Variants in RAD51B observed in about 807,000 individuals in gnomAD.
RAD51B encodes the protein RAD51 paralog B.
In RAD51B, 38 loss-of-function variants were observed where a neutral mutation model predicts 42.2. The ratio of observed to expected loss-of-function variants is 0.90; its 90% confidence interval spans 0.70 to 1.18. The LOEUF is 1.18. Ranked by LOEUF, RAD51B falls within the 50% of genes most tolerant of loss-of-function variation. The pLI, the probability that RAD51B is intolerant of heterozygous loss-of-function variation, is 0.00. For synonymous variants in RAD51B, 154 were observed against 145.2 expected, an observed-to-expected ratio of 1.06 and a Z score of -0.43; for missense variants, 373 against 400.7, an observed-to-expected ratio of 0.93 and a Z score of 0.59.
intron 8 of RAD51B, among the ~76,000 whole-genome samples, chr14:68,362,420 A>G (rs1420974921): frequency 1.3e-5 from 2 of 152,260 alleles, no homozygotes; most frequent in East Asian, 3.8e-4. Flanking sequence ...TGTAAGTGTT[A>G]GCCCCATTTT....
chr14:67,887,860 C>T (rs1042769036), intron 7 of RAD51B, among the ~76,000 whole-genome samples: 11 of 152,116 alleles, frequency 7.2e-5, no homozygotes, highest in African/African-American at 2.2e-4. Context: ...ACCTGCAAGA[C>T]GTAAGTGTGT....
intron 8 of RAD51B, chr14:68,338,903 G>C (rs770388151): frequency 1.5e-6 from 1 of 650,866 alleles, no homozygotes; most frequent in Non-Finnish European, 2.9e-6. Flanking sequence ...TGTCTTCCGA[G>C]TTAACCTTTG....
chr14:68,265,689 T>G (rs967104807), intron 7 of RAD51B, among the ~76,000 whole-genome samples: 16 of 152,026 alleles, frequency 1.1e-4, no homozygotes, highest in Admixed American at 6.5e-4. Context: ...GAGGCGGAGG[T>G]TGCAATGAGC....
intron 7 of RAD51B, among the ~76,000 whole-genome samples, chr14:68,015,290 C>T (rs1332869840): frequency 6.6e-6 from 1 of 152,024 alleles, no homozygotes; most frequent in African/African-American, 2.4e-5. Context: ...TATTTAACAC[C>T]TACTATGATG....
At chr14:68,631,208 C>T (rs773408000) in intron 10 of RAD51B, among the ~76,000 whole-genome samples, 5 of 152,146 alleles carry the variant, frequency 3.3e-5, no homozygotes, top group Middle Eastern at 3.2e-3. Flanking sequence ...GTCTAAAAGG[C>T]GGGTGTAGTT....
chr14:68,004,154 C>A (rs1469643829), intron 7 of RAD51B, among the ~76,000 whole-genome samples: 4 of 151,844 alleles, frequency 2.6e-5, no homozygotes, highest in Non-Finnish European at 5.9e-5. Context: ...CACGGTGAAA[C>A]CCTGTCTCTA....
At chr14:68,005,031 C>CTGTG (rs1387632190) in intron 7 of RAD51B, among the ~76,000 whole-genome samples, 9,458 of 115,324 alleles carry the variant, frequency 0.082, 484 homozygotes, top group Middle Eastern at 0.15. Flanking sequence ...TACCATTCTA[C>CTGTG]TGTGTGTGTG....
intron 7 of RAD51B, among the ~76,000 whole-genome samples, chr14:67,961,410 G>A (rs1300827310): frequency 6.6e-6 from 1 of 152,202 alleles, no homozygotes; most frequent in African/African-American, 2.4e-5. Flanking sequence ...GAAAGTAGGA[G>A]AGGTTTTCAT....
intron 11 of RAD51B, among the ~76,000 whole-genome samples, chr14:68,671,571 G>A (rs8020743): frequency 6.2e-4 from 94 of 151,764 alleles, no homozygotes; most frequent in African/African-American, 2.0e-3. Flanking sequence ...CCAACACCCC[G>A]CCTCCGACAA....
At chr14:68,166,371 T>C (rs2078752649) in intron 7 of RAD51B, among the ~76,000 whole-genome samples, 1 of 152,094 alleles carries the variant, frequency 6.6e-6, no homozygotes, top group Admixed American at 6.6e-5. Context: ...TGGAGTAAAT[T>C]TTTTTCATTA....
exon 11 of RAD51B, chr14:68,611,300 CA>C: frequency 1.4e-6 from 1 of 699,038 alleles, no homozygotes; most frequent in Non-Finnish European, 2.6e-6. Context: ...CATCCGACAG[CA>C]ACTATAATTC....
intron 7 of RAD51B, among the ~76,000 whole-genome samples, chr14:67,918,544 A>G (rs1346648071): frequency 2.0e-5 from 3 of 152,184 alleles, no homozygotes; most frequent in Non-Finnish European, 4.4e-5. Flanking sequence ...TAAGGGAAAT[A>G]ATTATCAGTG....
intron 7 of RAD51B, among the ~76,000 whole-genome samples, chr14:67,888,870 A>G (rs2043138708): frequency 6.6e-6 from 1 of 152,176 alleles, no homozygotes; most frequent in African/African-American, 2.4e-5. Flanking sequence ...TCCCCCATGG[A>G]TACAGGGGGA....
intron 7 of RAD51B, among the ~76,000 whole-genome samples, chr14:68,020,578 G>A (rs1401234724): frequency 6.6e-6 from 1 of 152,098 alleles, no homozygotes; most frequent in Non-Finnish European, 1.5e-5. Context: ...CATTTTTGGT[G>A]TATATCTGTT....
At chr14:67,867,629 C>T (rs773688329) in intron 5 of RAD51B, among the ~76,000 whole-genome samples, 1 of 152,150 alleles carries the variant, frequency 6.6e-6, no homozygotes, top group East Asian at 1.9e-4. Flanking sequence ...GGGAGAAGAT[C>T]GTCGTAACAA....
intron 4 of RAD51B, among the ~76,000 whole-genome samples, chr14:67,838,737 C>T (rs750936054): frequency 2.0e-5 from 3 of 151,718 alleles, no homozygotes; most frequent in East Asian, 1.9e-4. Context: ...TGAGCTACTG[C>T]GCCTGGCCTT....
intron 10 of RAD51B, among the ~76,000 whole-genome samples, chr14:68,523,400 G>A (rs995284270): frequency 2.6e-5 from 4 of 152,228 alleles, no homozygotes; most frequent in Non-Finnish European, 5.9e-5. Flanking sequence ...AGATCTGTTC[G>A]TGATGTCTGG....
chr14:68,134,935 A>G (rs1324214287), intron 7 of RAD51B, among the ~76,000 whole-genome samples: 1 of 152,074 alleles, frequency 6.6e-6, no homozygotes, highest in Non-Finnish European at 1.5e-5. Context: ...ATTTTGATGA[A>G]GATGATTTTA....
chr14:68,627,523 G>C (rs750859915), intron 10 of RAD51B, among the ~76,000 whole-genome samples: 1 of 152,124 alleles, frequency 6.6e-6, no homozygotes, highest in African/African-American at 2.4e-5. Context: ...CATGCTCCAG[G>C]AGCCGCGTTT....
Sources: gnomAD v4.1 joint callset for allele counts (sites outside exome capture counted in the v4.1 genomes callset) on GRCh38, gnomAD v4.1.1 for gene constraint, MANE v1.5 for transcripts, NCBI Gene and HGNC (gene_info 2026-07-23, HGNC 2026-07-21) for gene names.